Variants in ADAMTS17 observed in about 807,000 individuals in gnomAD.
The protein encoded by ADAMTS17 is ADAM metallopeptidase with thrombospondin type 1 motif 17, also known as A disintegrin and metalloproteinase with thrombospondin motifs 17.
A neutral mutation model predicts 141.5 loss-of-function variants in ADAMTS17; 113 were observed. The ratio of observed to expected loss-of-function variants is 0.80; its 90% confidence interval spans 0.69 to 0.93. ADAMTS17 has a LOEUF of 0.93. ADAMTS17 is among the 40% of genes least tolerant of loss of function. ADAMTS17 has a pLI of 0.00. For synonymous variants in ADAMTS17, 768 were observed against 630.6 expected, an observed-to-expected ratio of 1.22 and a Z score of -3.27; for missense variants, 1,659 against 1,517.9, an observed-to-expected ratio of 1.09 and a Z score of -1.54.
chr15:100,292,558 CACCCCGTGTGAAATTATGAGAGACACTA>C (rs2044682082), intron 3 of ADAMTS17, among the ~76,000 whole-genome samples: 3 of 151,868 alleles, frequency 2.0e-5, no homozygotes, highest in South Asian at 2.1e-4. Flanking sequence ...GAGAGACACT[CACCCCGTGTGAAATTATGAGAGACACTA>C]ACCCCGTGTG....
chr15:100,084,370 A>G (rs1174074153), intron 15 of ADAMTS17, among the ~76,000 whole-genome samples: 1 of 152,184 alleles, frequency 6.6e-6, no homozygotes, highest in African/African-American at 2.4e-5. Flanking sequence ...GGAGCCCACC[A>G]CAGCTCAAGG....
Position 100,223,646 on chromosome 15 carries a change from G to C in ADAMTS17, c.1076-24223C>G, listed in dbSNP as rs188249153. Reference sequence around the variant, plus strand: ...GTATTAGGGTTTTCTTAGAGAGATAGAACTTCACACACACACACCCACAGA... The same window carrying C: ...GTATTAGGGTTTTCTTAGAGAGATACAACTTCACACACACACACCCACAGA... On this transcript the variant is annotated intron_variant, in intron 7 of 21. Coordinates refer to ENST00000268070, the MANE Select transcript of ADAMTS17 (RefSeq NM_139057.4). 4.0e-5 allele frequency among the ~76,000 whole-genome samples: 6 copies of C among 151,462 alleles called. No individual in the cohort carries two copies. The East Asian group carries it at 1.2e-3, about 29-fold the overall frequency.
chr15:100,041,277 T>C (rs577961700), intron 18 of ADAMTS17, among the ~76,000 whole-genome samples: 1 of 152,360 alleles, frequency 6.6e-6, no homozygotes, highest in South Asian at 2.1e-4. Flanking sequence ...TCTAATTCAA[T>C]GTACAGTACA....
Position 100,330,958 on chromosome 15 carries a change from T to G in ADAMTS17, c.547A>C (p.Lys183Gln). Residue 183 changes from lysine (K) to glutamine (Q), a missense_variant, in exon 3 of 22, where the codon AAA becomes CAA. Coordinates refer to ENST00000268070, the MANE Select transcript of ADAMTS17 (RefSeq NM_139057.4). ...GAAGGGCTGGGGGTCAAGGACCATT[T>G]GCGCCTGATCAGATGTTCTCGTCCA... ...FSGREHLIRR[K>Q]WSLTPSPSAE... is the part of the protein sequence containing the mutation. The G allele has an allele frequency of 1.9e-6, 3 of 1,614,146 alleles. No individual in the cohort carries two copies. The highest frequency in any genetic ancestry group is 2.5e-6 in the Non-Finnish European group (3 of 1,180,034).
chr15:100,068,414 C>T (rs970171369), intron 15 of ADAMTS17, among the ~76,000 whole-genome samples: 2 of 152,200 alleles, frequency 1.3e-5, no homozygotes, highest in African/African-American at 4.8e-5. Flanking sequence ...GTGGTTCTCC[C>T]AGCACACAGC....
At chr15:100,115,067 G>A (rs2037027106) in intron 13 of ADAMTS17, among the ~76,000 whole-genome samples, 1 of 152,198 alleles carries the variant, frequency 6.6e-6, no homozygotes, top group Admixed American at 6.5e-5. Context: ...TCTTGCTCCT[G>A]CAAAGTGGGA....
intron 13 of ADAMTS17, 144 bp from the exon 14 acceptor site, chr15:100,109,260 C>CCAGCTCCTCTAAACACGCGACA (rs142688382): frequency 8.6e-7 from 1 of 1,165,200 alleles, no homozygotes; most frequent in Non-Finnish European, 1.2e-6. Context: ...GGTACGCGCT[C>CCAGCTCCTCTAAACACGCGACA]CAGGAAGCGG....
In ADAMTS17 at chr15:100,325,670, G is replaced by A. The variant is rs138357471; in HGVS notation, c.616+5219C>T. ...GACCCTCACCTCTTCGCTCTCTCTC[G>A]TTCCCTTCTCTCTTGCTCCCTTCTC... On this transcript the variant is annotated intron_variant, in intron 3 of 21. Transcript: ENST00000268070. 1.1e-4 allele frequency among the ~76,000 whole-genome samples: 16 copies of A among 152,102 alleles called. No individual in the cohort carries two copies. In the East Asian group the frequency reaches 2.1e-3, roughly 20 times the overall value.
At chr15:100,085,108 G>A (rs2035011852) in intron 15 of ADAMTS17, among the ~76,000 whole-genome samples, 1 of 152,042 alleles carries the variant, frequency 6.6e-6, no homozygotes, top group Admixed American at 6.6e-5. Context: ...AATATTAGAT[G>A]AATGGCTAAC....
chr15:100,123,835 CCTCTGG>C (rs2037577785), intron 12 of ADAMTS17, among the ~76,000 whole-genome samples: 1 of 152,212 alleles, frequency 6.6e-6, no homozygotes, highest in African/African-American at 2.4e-5. Context: ...CCTGCCTCTG[CCTCTGG>C]GAGGGGCTGC....
chr15:100,172,482 C>A (rs1418481295), intron 8 of ADAMTS17, among the ~76,000 whole-genome samples: 1 of 152,182 alleles, frequency 6.6e-6, no homozygotes, highest in Non-Finnish European at 1.5e-5. Context: ...TGGTCACCTG[C>A]CCCATCCTGA....
intron 8 of ADAMTS17, among the ~76,000 whole-genome samples, chr15:100,193,337 C>G (rs2141601043): frequency 6.6e-6 from 1 of 152,310 alleles, no homozygotes; most frequent in Admixed American, 6.5e-5. Flanking sequence ...GTCCTGAGCG[C>G]TCACTCAGAA....
chr15:100,193,810 T>G (rs565491433), intron 8 of ADAMTS17, among the ~76,000 whole-genome samples: 1 of 152,168 alleles, frequency 6.6e-6, no homozygotes, highest in African/African-American at 2.4e-5. Flanking sequence ...AAGAGAATGG[T>G]TTTTTGACCG....
chr15:100,187,234 G>C (rs543972473), intron 8 of ADAMTS17, among the ~76,000 whole-genome samples: 1 of 152,204 alleles, frequency 6.6e-6, no homozygotes, highest in Admixed American at 6.5e-5. Flanking sequence ...ATCTGTCAGC[G>C]TGCCCACTGT....
intron 15 of ADAMTS17, among the ~76,000 whole-genome samples, chr15:100,091,028 A>G (rs113587821): frequency 1.6e-4 from 23 of 143,694 alleles, no homozygotes; most frequent in African/African-American, 3.0e-4. Context: ...AAAAAAAAAA[A>G]GGGTAACCAA....
rs758229153 is a variant in ADAMTS17, at chr15:100,132,158, A to G, written c.1576-6T>C. Reference sequence around the variant, plus strand: ...CACTCCCCCGCGCGGCACCACTGAAACACAGCGGGGAGGGTCGGGGCCCAG... The same window carrying G: ...CACTCCCCCGCGCGGCACCACTGAAGCACAGCGGGGAGGGTCGGGGCCCAG... On this transcript the variant is annotated splice_region_variant and splice_polypyrimidine_tract_variant and intron_variant, in intron 11 of 21. Transcript: ENST00000268070. 4 of 1,612,810 alleles carry G rather than the reference A, an allele frequency of 2.5e-6. No individual in the cohort carries two copies. The highest frequency in any genetic ancestry group is 3.4e-6 in the Non-Finnish European group (4 of 1,179,758).
chr15:100,106,551 C>T (rs34452981), intron 14 of ADAMTS17, among the ~76,000 whole-genome samples: 39,644 of 152,140 alleles, frequency 0.26, 5,622 homozygotes, highest in East Asian at 0.38. Context: ...TGGCACAGAT[C>T]GCACAGAGCA....
In ADAMTS17 at chr15:100,331,120, G is replaced by A. The variant is rs533683944; in HGVS notation, c.451-66C>T. 115 of 1,595,804 alleles carry A rather than the reference G, an allele frequency of 7.2e-5. No homozygotes were observed. In the South Asian group the frequency reaches 7.7e-4, roughly 11 times the overall value. On this transcript the variant is annotated intron_variant, in intron 2 of 21. Coordinates refer to ENST00000268070, the MANE Select transcript of ADAMTS17 (RefSeq NM_139057.4). ...CACTCACACACGCCCATGGCCCCCC[G>A]GAGGGGCAGGCAAGACCACCTTGCT...
intron 3 of ADAMTS17, among the ~76,000 whole-genome samples, chr15:100,316,366 T>C (rs116507177): frequency 0.08 from 12,186 of 152,246 alleles, 1,194 homozygotes; most frequent in African/African-American, 0.24. Flanking sequence ...CTCAGAAATT[T>C]GGGAGCCAAG....
Sources: allele counts gnomAD v4.1 joint callset (sites outside exome capture counted in the v4.1 genomes callset), GRCh38; gene constraint gnomAD v4.1.1; transcripts MANE v1.5; gene names NCBI Gene and HGNC (gene_info 2026-07-23, HGNC 2026-07-21).